Variants in RNF213 observed in about 807,000 individuals in gnomAD.
RNF213 encodes E3 ubiquitin-protein ligase RNF213.
Under a neutral mutation model 514.4 loss-of-function variants are expected in RNF213, and 341 were observed. That is an observed-to-expected ratio of 0.66 (90% CI 0.61 to 0.73). The LOEUF (loss-of-function observed/expected upper bound fraction) is 0.73. Among genes scored for constraint, RNF213 ranks in the 30% least tolerant of loss-of-function variants. The probability of loss-of-function intolerance (pLI) is 0.00; values close to 1 mark genes in which losing one functional copy is unlikely to be tolerated. For missense variants in RNF213, 5,767 were observed against 6,615.6 expected (o/e 0.87, Z 4.45); for synonymous variants, 2,655 against 2,658.2 (o/e 1.00, Z 0.04).
chr17:80,313,251 T>G (rs1403467092), intron 15 of RNF213, 84 bp downstream of exon 15: 1 of 1,560,396 alleles, frequency 6.4e-7, no homozygotes, highest in Non-Finnish European at 8.8e-7. Flanking sequence ...TACAGGCTGC[T>G]GGCCAGGGGC....
intron 20 of RNF213, among the ~76,000 whole-genome samples, chr17:80,328,769 G>T (rs1027086782): frequency 7.2e-5 from 11 of 152,164 alleles, no homozygotes; most frequent in Admixed American, 2.6e-4. Flanking sequence ...CACATTTCTG[G>T]TCTGTGCCCT....
Position 80,274,173 on chromosome 17 carries a change from G to A in RNF213, c.261+769G>A, listed in dbSNP as rs191346414. ...GCCCAGAGGGGCTTTGAAGCTTTGG[G>A]TGTGGGGTGGGTGCTCTGGAAATGT... On this transcript the variant is annotated intron_variant, in intron 3 of 67. Coordinates refer to ENST00000582970, the MANE Select transcript of RNF213 (RefSeq NM_001256071.3). 5.3e-5 allele frequency among the ~76,000 whole-genome samples: 8 copies of A among 152,234 alleles called. No homozygotes were observed. The East Asian group carries it at 1.2e-3, about 22-fold the overall frequency.
At chr17:80,359,524 CAAAAAAAAAAAA>C (rs559552051) in intron 37 of RNF213, among the ~76,000 whole-genome samples, 4 of 32,492 alleles carry the variant, frequency 1.2e-4, no homozygotes, top group East Asian at 1.5e-3. Context: ...GACTCTATCT[CAAAAAAAAAAAA>C]AAAAAAAAAA....
At chr17:80,378,621 C>T (rs948706744) in intron 54 of RNF213, among the ~76,000 whole-genome samples, 9 of 152,154 alleles carry the variant, frequency 5.9e-5, no homozygotes, top group African/African-American at 2.2e-4. Context: ...CAGCCTGATA[C>T]ACGTCATTTA....
intron 26 of RNF213, chr17:80,340,887 C>T (rs1364443958): frequency 6.4e-6 from 1 of 155,218 alleles, no homozygotes; most frequent in Non-Finnish European, 1.4e-5. Flanking sequence ...TCACTGCAAC[C>T]TTCGCCTCCC....
In RNF213 at chr17:80,346,168, G is replaced by C. The variant is rs768013302; in HGVS notation, c.7833G>C (p.Gly2611=). Residue 2611 remains glycine (G), a synonymous_variant, in exon 29 of 68, where the codon GGG becomes GGC. Coordinates refer to ENST00000582970, the MANE Select transcript of RNF213 (RefSeq NM_001256071.3). The surrounding 1 kb of genome is among the most constrained non-coding windows in gnomAD (Gnocchi z 8.1). ...AGTCCATCAGCCTAGATGAAAACGGGACTCGCGTGATCACAGAAGTCCTCT... is the reference window on the plus strand; with the variant it reads ...AGTCCATCAGCCTAGATGAAAACGGCACTCGCGTGATCACAGAAGTCCTCT... ...LVESISLDEN[G]TRVITEVLCA... 6.2e-7 allele frequency: 1 copy of C among 1,614,172 alleles called. No homozygotes were observed. The highest frequency in any genetic ancestry group is 8.5e-7 in the Non-Finnish European group (1 of 1,180,044).
At chr17:80,373,588 G>A (rs2079612840) in intron 49 of RNF213, among the ~76,000 whole-genome samples, 1 of 152,084 alleles carries the variant, frequency 6.6e-6, no homozygotes, top group Non-Finnish European at 1.5e-5. Flanking sequence ...ACATTCTTGT[G>A]GCCTTTGCTT....
In RNF213 at chr17:80,288,716, G is replaced by C. The variant is rs770790542; in HGVS notation, c.894G>C (p.Gln298His). 41 of 1,614,202 alleles carry C rather than the reference G, an allele frequency of 2.5e-5. No individual in the cohort carries two copies. The highest frequency in any genetic ancestry group is 3.3e-5 in the Non-Finnish European group (39 of 1,180,054). ...EMKEKTQRMK[Q>H]PPATTPPFKT... ...AAGAGAAGACCCAGAGAATGAAACA[G>C]CCACCAGCAACCACTCCTCCTTTCA... The change falls in exon 5 of 68, where the codon CAG becomes CAC. Residue 298 changes from glutamine (Q) to histidine (H), a missense_variant. Transcript: ENST00000582970. The surrounding 1 kb of genome is among the most constrained non-coding windows in gnomAD (Gnocchi z 4.9).
chr17:80,287,756 A>T, intron 3 of RNF213, 59 bp from the exon 4 acceptor site: 1 of 1,579,538 alleles, frequency 6.3e-7, no homozygotes, highest in Non-Finnish European at 8.7e-7. Context: ...TTGGAGGGAA[A>T]CACGGGCTAG....
chr17:80,393,540 A>ACTC lies in RNF213; in HGVS notation c.*46_*48dup. On this transcript the variant is annotated 3_prime_UTR_variant, in exon 68 of 68. Transcript: ENST00000582970. ...ATCTTTGGATGACTTTGGAGAGAAG[A>ACTC]CTCCTCTCTCCTCGTCTGCGGCGTG... The ACTC allele has an allele frequency of 5.0e-6, 8 of 1,604,940 alleles. No homozygotes were observed. The highest frequency in any genetic ancestry group is 6.8e-6 in the Non-Finnish European group (8 of 1,173,516).
chr17:80,281,589 T>C (rs114541994), intron 3 of RNF213, among the ~76,000 whole-genome samples: 10 of 29,144 alleles, frequency 3.4e-4, no homozygotes, highest in African/African-American at 5.2e-4. Flanking sequence ...ACTCACACAC[T>C]GCCAACACAC....
At position 80,396,597 on chromosome 17, in the gene RNF213, A is replaced by C. The variant is rs893866537; in HGVS notation, c.*3099A>C. On this transcript the variant is annotated 3_prime_UTR_variant, in exon 68 of 68. Transcript: ENST00000582970. ...AAACCTGAGCCTCGAGCTGAGTAAC[A>C]ATCCAAGCCATGATTAGCATTTATA... 2.0e-5 allele frequency: 3 copies of C among 152,342 alleles called. No individual in the cohort carries two copies. The highest frequency in any genetic ancestry group is 2.9e-5 in the Non-Finnish European group (2 of 68,032). The allele number at this position is 152,342 out of a possible 1,614,324, so 9.4% of individuals were successfully genotyped here.
At chr17:80,348,335 C>G in intron 29 of RNF213, 49 bp downstream of exon 29, 1 of 1,600,580 alleles carries the variant, frequency 6.2e-7, no homozygotes. Flanking sequence ...CCCAAGAGTC[C>G]TAAATCCCTC....
intron 18 of RNF213, among the ~76,000 whole-genome samples, chr17:80,325,520 G>A (rs139321428): frequency 4.6e-4 from 70 of 152,156 alleles, no homozygotes; most frequent in African/African-American, 1.5e-3. Context: ...GGAAACAAAT[G>A]GAGAAGGCAA....
In RNF213 at chr17:80,362,264, C is replaced by G. The variant is rs116000835; in HGVS notation, c.11355+376C>G. On this transcript the variant is annotated intron_variant, in intron 39 of 67. Transcript: ENST00000582970. ...AATAGAAAGTCATACTTTTGACTAC[C>G]TAAAAATTTTAAACTTCAGTACATA... Among the ~76,000 whole-genome samples the G allele has an allele frequency of 7.4e-3, 1,124 of 152,152 alleles. 22 individuals carry two copies. The highest frequency in any genetic ancestry group is 0.026 in the African/African-American group (1,070 of 41,500).
chr17:80,289,251 C>T (rs532605133), intron 5 of RNF213, among the ~76,000 whole-genome samples: 15 of 152,254 alleles, frequency 9.9e-5, no homozygotes, highest in Non-Finnish European at 1.8e-4. Flanking sequence ...GGGGAAGGGT[C>T]GTGAACATTC....
At chr17:80,372,187 C>T (rs1478221242) in intron 47 of RNF213, among the ~76,000 whole-genome samples, 1 of 152,262 alleles carries the variant, frequency 6.6e-6, no homozygotes, top group Non-Finnish European at 1.5e-5. Context: ...CAAAACAGAA[C>T]AGCCTAGGAG....
At position 80,350,313 on chromosome 17, in the gene RNF213, G is replaced by A. The variant is rs370866882; in HGVS notation, c.10101G>A (p.Thr3367=). Residue 3367 remains threonine (T), a synonymous_variant, in exon 31 of 68, where the codon ACG becomes ACA. Transcript: ENST00000582970. ...CCTTTTCTTTCAGAAACTGTTTAACGAATACAGCCAAATGTAAAATCCTCA... is the reference window on the plus strand; with the variant it reads ...CCTTTTCTTTCAGAAACTGTTTAACAAATACAGCCAAATGTAAAATCCTCA... The part of the protein sequence containing the change: ...SFLKEVRNCL[T]NTAKCKILIF... 5.0e-6 allele frequency: 8 copies of A among 1,604,798 alleles called. No homozygotes were observed. The highest frequency in any genetic ancestry group is 4.5e-5 in the East Asian group (2 of 44,824).
chr17:80,291,887 G>T, intron 8 of RNF213, 60 bp downstream of exon 8: 1 of 1,574,860 alleles, frequency 6.3e-7, no homozygotes. Flanking sequence ...CAATCCCGCG[G>T]TACTGGACGC....
Sources: gnomAD v4.1 joint callset for allele counts (sites outside exome capture counted in the v4.1 genomes callset) on GRCh38, gnomAD v4.1.1 for gene constraint, Gnocchi (gnomAD v3.1) non-coding constraint, MANE v1.5 for transcripts, NCBI Gene and HGNC (gene_info 2026-07-23, HGNC 2026-07-21) for gene names.